DENND2D: variants seen among roughly 807,000 people sequenced by gnomAD.
DENND2D encodes DENN domain containing 2D.
DENND2D carries 37 observed loss-of-function variants against 59.8 expected under a neutral mutation model. That is an observed-to-expected ratio of 0.62 (90% CI 0.48 to 0.81). The LOEUF (loss-of-function observed/expected upper bound fraction) is 0.81. Among genes scored for constraint, DENND2D ranks in the 40% least tolerant of loss-of-function variants. The probability of loss-of-function intolerance (pLI) is 0.00; values close to 1 mark genes in which losing one functional copy is unlikely to be tolerated. For synonymous variants in DENND2D, 219 were observed against 211.3 expected, an observed-to-expected ratio of 1.04 and a Z score of -0.31; for missense variants, 525 against 579.7, an observed-to-expected ratio of 0.91 and a Z score of 0.97.
Position 111,189,260 on chromosome 1 carries a change from TA to T in DENND2D, c.973-8del. ...AAAGATTGACCAGCAGGACCTGAAATAAACATAGACTGGCTTTCTCTGGTCC... is the reference window on the plus strand; with the variant it reads ...AAAGATTGACCAGCAGGACCTGAAATAACATAGACTGGCTTTCTCTGGTCC... On this transcript the variant is annotated splice_polypyrimidine_tract_variant and splice_region_variant and intron_variant, in intron 8 of 11. Transcript: ENST00000357640. The T allele has an allele frequency of 1.9e-6, 3 of 1,614,140 alleles. No individual in the cohort carries two copies. The highest frequency in any genetic ancestry group is 2.5e-6 in the Non-Finnish European group (3 of 1,180,010).
In DENND2D at chr1:111,188,092, C is replaced by T. The variant is rs964719951; in HGVS notation, c.1339+39G>A. ...CCCCTCCTCTTTATTCTAGAGGTAACCCTCTATGGGCTTAGACTGATGGGG... is the reference window on the plus strand; with the variant it reads ...CCCCTCCTCTTTATTCTAGAGGTAATCCTCTATGGGCTTAGACTGATGGGG... On this transcript the variant is annotated intron_variant, in intron 11 of 11. Coordinates refer to ENST00000357640, the MANE Select transcript of DENND2D (RefSeq NM_024901.5). The T allele has an allele frequency of 3.1e-6, 5 of 1,608,302 alleles. No homozygotes were observed. The South Asian group carries it at 4.4e-5, about 14-fold the overall frequency.
upstream of DENND2D, chr1:111,204,115 T>G: frequency 2.0e-5 from 3 of 147,036 alleles, no homozygotes; most frequent in African/African-American, 4.4e-5. Context: ...CCTGACCCTC[T>G]TCCCCTCTCC....
At chr1:111,190,659 T>C (rs892676442) in intron 8 of DENND2D, among the ~76,000 whole-genome samples, 32 of 152,360 alleles carry the variant, frequency 2.1e-4, no homozygotes, top group South Asian at 4.1e-4. Flanking sequence ...AAATCATGTA[T>C]TGGTCATTTA....
upstream of DENND2D, among the ~76,000 whole-genome samples, chr1:111,203,622 C>G (rs2101520335): frequency 6.6e-6 from 1 of 152,350 alleles, no homozygotes; most frequent in Middle Eastern, 3.4e-3. Context: ...CCCCATAATC[C>G]TGGACGGGGG....
intron 11 of DENND2D, among the ~76,000 whole-genome samples, 153 bp from the exon 12 acceptor site, chr1:111,187,834 AT>A (rs762203490): frequency 6.6e-5 from 10 of 152,196 alleles, no homozygotes; most frequent in Non-Finnish European, 1.5e-4. Flanking sequence ...AGATCCAGAC[AT>A]TCAGTTTTGT....
In DENND2D at chr1:111,199,592, T is replaced by A; in HGVS notation, c.243+31A>T. The A allele has an allele frequency of 2.5e-6, 4 of 1,594,530 alleles. No individual in the cohort carries two copies. In the Admixed American group the frequency reaches 6.9e-5, roughly 27 times the overall value. On this transcript the variant is annotated intron_variant, in intron 2 of 11. Transcript: ENST00000357640. ...CCACCTTCCAAACACCCCAGTCCTC[T>A]GGCTGGCCCTGCCCCTCCTTCAGTC... is the stretch of plus-strand genomic sequence containing the variant.
upstream of DENND2D, chr1:111,204,375 C>T: frequency 7.1e-7 from 1 of 1,402,582 alleles, no homozygotes; most frequent in Non-Finnish European, 9.2e-7. Context: ...TGCCCGGCTC[C>T]CGCTCCCAGC....
In DENND2D at chr1:111,192,866, T is replaced by A. The variant is rs193051626; in HGVS notation, c.795-549A>T. ...CAGCCTTTGCCCCCACACAGCCCCC[T>A]CTGGGCACACTCGAGGTTATTAAAG... On this transcript the variant is annotated intron_variant, in intron 7 of 11. Coordinates refer to ENST00000357640, the MANE Select transcript of DENND2D (RefSeq NM_024901.5). Among the ~76,000 whole-genome samples the A allele has an allele frequency of 5.0e-3, 756 of 152,236 alleles. 2 individuals carry two copies. The highest frequency in any genetic ancestry group is 8.6e-3 in the Non-Finnish European group (586 of 68,010).
At chr1:111,190,472 G>A (rs1026690881) in intron 8 of DENND2D, among the ~76,000 whole-genome samples, 1 of 152,148 alleles carries the variant, frequency 6.6e-6, no homozygotes, top group Non-Finnish European at 1.5e-5. Context: ...TAATTGATTT[G>A]GTTTCCAATA....
At chr1:111,194,925 C>G (rs1230793966) in intron 6 of DENND2D, among the ~76,000 whole-genome samples, 199 bp from the exon 7 acceptor site, 3 of 152,090 alleles carry the variant, frequency 2.0e-5, no homozygotes, top group Non-Finnish European at 4.4e-5. Flanking sequence ...TGCACCCTCC[C>G]TCACTCGCCT....
At chr1:111,189,470 A>G in intron 8 of DENND2D, 1 of 581,274 alleles carries the variant, frequency 1.7e-6, no homozygotes, top group Non-Finnish European at 3.1e-6. Flanking sequence ...GGGTGTTTGT[A>G]GGAAGGGAGT....
At position 111,189,318 on chromosome 1, in the gene DENND2D, G is replaced by A. The variant is rs192544265; in HGVS notation, c.973-65C>T. 1.4e-4 allele frequency: 213 copies of A among 1,576,904 alleles called. 2 individuals are homozygous for A. The highest frequency in any genetic ancestry group is 6.4e-4 in the South Asian group (57 of 89,432). Reference sequence around the variant, plus strand: ...TTCATAGACCCCCAGAGGATTTACCGTCTTGATTTCTGCCTGTGGCTGTAT... The same window carrying A: ...TTCATAGACCCCCAGAGGATTTACCATCTTGATTTCTGCCTGTGGCTGTAT... On this transcript the variant is annotated intron_variant, in intron 8 of 11. Transcript: ENST00000357640.
chr1:111,200,289 G>A, intron 1 of DENND2D, 104 bp downstream of exon 1: 2 of 1,476,610 alleles, frequency 1.4e-6, no homozygotes, highest in Non-Finnish European at 1.8e-6. Flanking sequence ...ACCATGTGGA[G>A]GCCGAGATAT....
intron 5 of DENND2D, 150 bp downstream of exon 5, chr1:111,197,026 A>G: frequency 2.4e-6 from 2 of 850,756 alleles, no homozygotes; most frequent in Non-Finnish European, 3.7e-6. Flanking sequence ...AGTCAAGTGC[A>G]TGCCCCTTTG....
chr1:111,190,121 G>A lies in DENND2D; in HGVS notation c.973-868C>T, dbSNP rs3828095. ...GGAGCTTGCGGTGAGCCGAGATCGCGCCACTGCACTCCAGCCTGGGCGACA... is the reference window on the plus strand; with the variant it reads ...GGAGCTTGCGGTGAGCCGAGATCGCACCACTGCACTCCAGCCTGGGCGACA... On this transcript the variant is annotated intron_variant, in intron 8 of 11. Coordinates refer to ENST00000357640, the MANE Select transcript of DENND2D (RefSeq NM_024901.5). 2.4e-4 allele frequency among the ~76,000 whole-genome samples: 33 copies of A among 136,500 alleles called. 1 individual carries two copies. The highest frequency in any genetic ancestry group is 5.0e-3 in the Middle Eastern group (1 of 202). 89.5% of individuals were successfully genotyped at this position (136,500 alleles called of 152,430 possible).
At position 111,187,474 on chromosome 1, in the gene DENND2D, A is replaced by C; in HGVS notation, c.*131T>G. The C allele has an allele frequency of 1.4e-6, 1 of 708,826 alleles. No individual in the cohort carries two copies. Among genetic ancestry groups the C allele is most frequent in the Non-Finnish European group, 2.5e-6 (1 of 407,852 alleles). The allele number at this position is 708,826 out of a possible 1,614,324, so 43.9% of individuals were successfully genotyped here. On this transcript the variant is annotated 3_prime_UTR_variant, in exon 12 of 12. Transcript: ENST00000357640. ...ATCTCAGACACCAGTTTGAAGCAAT[A>C]CCTGGATACCAAGACTCAGAGTGAG...
Position 111,188,729 on chromosome 1 carries a change from G to C in DENND2D, c.1072C>G (p.Leu358Val). 1.2e-6 allele frequency: 2 copies of C among 1,614,096 alleles called. No individual in the cohort carries two copies. The highest frequency in any genetic ancestry group is 1.7e-6 in the Non-Finnish European group (2 of 1,179,990). Residue 358 changes from leucine (L) to valine (V), a missense_variant, in exon 10 of 12, where the codon CTT (leucine) becomes GTT (valine). Physicochemically the swap from Leu to Val is conservative, Grantham distance 32. This residue lies in a region of DENND2D where 225 missense variants were observed against 252.4 expected (regional missense o/e 0.89). Coordinates refer to ENST00000357640, the MANE Select transcript of DENND2D (RefSeq NM_024901.5). ...PKLQDDILDS[L>V]GQGINELKTA... Reference sequence around the variant, plus strand: ...TTTAACTCATTGATCCCCTGACCAAGAGAGTCTAAGATGTCATCCTGAAGC... The same window carrying C: ...TTTAACTCATTGATCCCCTGACCAACAGAGTCTAAGATGTCATCCTGAAGC...
In DENND2D at chr1:111,196,054, G is replaced by A. The variant is rs1344875903; in HGVS notation, c.507C>T (p.Ile169=). 3 of 1,606,256 alleles carry A rather than the reference G, an allele frequency of 1.9e-6. No homozygotes were observed. Among genetic ancestry groups the A allele is most frequent in the Admixed American group, 3.4e-5 (2 of 59,402 alleles). ...CIGCFGLFSK[I]LDEVEKRHQI... ...GATGTCTCTTCTCCACTTCATCCAG[G>A]ATCTGCAGGGAAAAGAACCACGGGA... Residue 169 remains isoleucine, a splice_region_variant and synonymous_variant, in exon 6 of 12, where the codon ATC becomes ATT. Transcript: ENST00000357640.
In DENND2D at chr1:111,192,246, G is replaced by C. The variant is rs746851448; in HGVS notation, c.866C>G (p.Pro289Arg). The C allele has an allele frequency of 1.2e-6, 2 of 1,614,068 alleles. No individual in the cohort carries two copies. Among genetic ancestry groups the C allele is most frequent in the South Asian group, 1.1e-5 (1 of 91,054 alleles). The change falls in exon 8 of 12, where the codon CCT (proline) becomes CGT (arginine). Residue 289 changes from proline to arginine, a missense_variant. Physicochemically the swap from Pro to Arg is moderately radical, Grantham distance 103. Transcript: ENST00000357640. Reference protein sequence around the residue: ...YPFSWAHTYIPVVPESLLATV... With the variant: ...YPFSWAHTYIRVVPESLLATV... ...GGCCAGAAGGCTCTCAGGGACAACA[G>C]GGATGTAGGTGTGCGCCCAGCTGAA... is the stretch of plus-strand genomic sequence containing the variant.
Sources: allele counts gnomAD v4.1 joint callset (sites outside exome capture counted in the v4.1 genomes callset), GRCh38; gene constraint gnomAD v4.1.1; regional missense constraint gnomAD v4.1.1; transcripts MANE v1.5; gene names NCBI Gene and HGNC (gene_info 2026-07-23, HGNC 2026-07-21).